Variants in SETX observed in about 807,000 individuals in gnomAD.
The protein encoded by SETX is helicase senataxin.
A neutral mutation model predicts 227.2 loss-of-function variants in SETX; 90 were observed. The ratio of observed to expected loss-of-function variants is 0.40; its 90% CI spans 0.33 to 0.47. SETX has a LOEUF of 0.47. Among genes scored for constraint, SETX ranks in the 20% least tolerant of loss-of-function variants. The pLI is 0.91. For missense variants in SETX, 3,052 were observed against 3,181.5 expected (o/e 0.96, Z 0.98); for synonymous variants, 1,210 against 1,113.2 (o/e 1.09, Z -1.73).
chr9:132,269,829 G>T, intron 24 of SETX, 127 bp from the exon 25 acceptor site: 1 of 921,794 alleles, frequency 1.1e-6, no homozygotes, highest in Non-Finnish European at 1.8e-6. Context: ...GAATGACTCA[G>T]TGAGCCCGAG....
intron 10 of SETX, among the ~76,000 whole-genome samples, chr9:132,316,272 T>G (rs527377768): frequency 6.6e-6 from 1 of 152,338 alleles, no homozygotes; most frequent in Admixed American, 6.5e-5. Context: ...TTCTGCAAAC[T>G]ATTTGTTGTC....
chr9:132,287,740 G>GA (rs570365690), intron 17 of SETX, among the ~76,000 whole-genome samples: 22 of 67,780 alleles, frequency 3.2e-4, no homozygotes, highest in Non-Finnish European at 4.7e-4. Flanking sequence ...AAGAAAAAAT[G>GA]AAAAAAAAAA....
At chr9:132,351,756 C>G (rs1351912158) in intron 2 of SETX, among the ~76,000 whole-genome samples, 3 of 152,170 alleles carry the variant, frequency 2.0e-5, no homozygotes, top group Non-Finnish European at 4.4e-5. Flanking sequence ...TACTGTGAAT[C>G]CTCTTAAGCT....
chr9:132,302,681 CA>C (rs57673567), intron 11 of SETX, among the ~76,000 whole-genome samples: 5,479 of 78,472 alleles, frequency 0.07, 299 homozygotes, highest in African/African-American at 0.2. Flanking sequence ...AAAAAAAAAG[CA>C]AAAAAAAAAA....
intron 20 of SETX, among the ~76,000 whole-genome samples, chr9:132,279,406 A>AG (rs1386914717): frequency 4.6e-5 from 7 of 152,210 alleles, no homozygotes; most frequent in African/African-American, 1.7e-4. Context: ...TAGAACTTAA[A>AG]GTATAATTAA....
At chr9:132,335,097 G>T (rs545040561) in intron 6 of SETX, among the ~76,000 whole-genome samples, 1 of 151,926 alleles carries the variant, frequency 6.6e-6, no homozygotes, top group East Asian at 1.9e-4. Flanking sequence ...AAATGGTATA[G>T]AAGTATTTTG....
Position 132,281,554 on chromosome 9 carries a change from A to G in SETX, c.6567T>C (p.Ile2189=). Residue 2189 remains isoleucine, a synonymous_variant, in exon 20 of 26, where the codon ATT becomes ATC. Coordinates refer to ENST00000224140, the MANE Select transcript of SETX (RefSeq NM_015046.7). ...GATGGATGAGTGGAGTAAGAGTCTC[A>G]ATTTCACAAGACTGTCCAGCCTTGG... ...IVDEAGQSCE[I]ETLTPLIHRC... 6.2e-7 allele frequency: 1 copy of G among 1,613,786 alleles called. No individual in the cohort carries two copies. Among genetic ancestry groups the G allele is most frequent in the Non-Finnish European group, 8.5e-7 (1 of 1,179,676 alleles).
chr9:132,346,870 AC>A (rs1374023835), intron 3 of SETX, among the ~76,000 whole-genome samples: 2 of 151,942 alleles, frequency 1.3e-5, no homozygotes, highest in Non-Finnish European at 2.9e-5. Flanking sequence ...CAAAAGGATC[AC>A]TTGAGCCCAA....
rs1213588784 is a variant in SETX at position 132,333,402 on chromosome 9, A to ATATAT, written c.838+1205_838+1206insATATA. On this transcript the variant is annotated intron_variant, in intron 7 of 25. Coordinates refer to ENST00000224140, the MANE Select transcript of SETX (RefSeq NM_015046.7). ...CAAAAAGAAAAAAAAAAAAAAGAAAAAAAAAAATATATATACACACACACA... is the reference window on the plus strand; with the variant it reads ...CAAAAAGAAAAAAAAAAAAAAGAAAATATATAAAAAAATATATATACACACACACA... Among the ~76,000 whole-genome samples the ATATAT allele has an allele frequency of 2.5e-3, 187 of 74,246 alleles. 8 individuals carry two copies. The highest frequency in any genetic ancestry group is 4.9e-3 in the African/African-American group (72 of 14,586). 48.7% of individuals were successfully genotyped at this position (74,246 alleles called of 152,430 possible).
intron 18 of SETX, among the ~76,000 whole-genome samples, chr9:132,283,899 C>G (rs931025460): frequency 2.6e-5 from 4 of 152,128 alleles, no homozygotes; most frequent in Non-Finnish European, 5.9e-5. Context: ...CTGACAAATC[C>G]TCTATTTCCA....
At chr9:132,269,577 G>T (rs746751038) in intron 25 of SETX, 38 bp downstream of exon 25, 1 of 1,611,786 alleles carries the variant, frequency 6.2e-7, no homozygotes, top group South Asian at 1.1e-5. Flanking sequence ...TCCAACAACA[G>T]TAACAATGGG....
rs1848487351 is a variant in SETX at position 132,349,412 on chromosome 9, C to A, written c.17G>T (p.Trp6Leu). The A allele has an allele frequency of 6.2e-7, 1 of 1,614,126 alleles. No individual in the cohort carries two copies. The highest frequency in any genetic ancestry group is 1.1e-5 in the South Asian group (1 of 91,080). The change falls in exon 3 of 26, where the codon TGG becomes TTG. Residue 6 changes from tryptophan to leucine, a missense_variant. This residue lies in a region of SETX where 152 missense variants were observed against 156.2 expected (regional missense o/e 0.97). Coordinates refer to ENST00000224140, the MANE Select transcript of SETX (RefSeq NM_015046.7). MSTCC[W>L]CTPGGASTID... is the part of the protein sequence containing the mutation. ...GGTGGAAGCACCACCTGGCGTACAC[C>A]AACAACATGTGCTCATTCTGTACCT...
chr9:132,267,283 G>A (rs1842693152), intron 25 of SETX, among the ~76,000 whole-genome samples: 1 of 152,218 alleles, frequency 6.6e-6, no homozygotes, highest in Non-Finnish European at 1.5e-5. Flanking sequence ...GGAGCGCCAG[G>A]CTCTGGGGGC....
At chr9:132,340,580 A>G (rs966891424) in intron 5 of SETX, among the ~76,000 whole-genome samples, 2 of 152,214 alleles carry the variant, frequency 1.3e-5, no homozygotes, top group Non-Finnish European at 2.9e-5. Context: ...TAGTTTTCTA[A>G]GTCAGGTCGT....
intron 5 of SETX, among the ~76,000 whole-genome samples, chr9:132,339,186 A>G (rs1025688125): frequency 2.0e-5 from 3 of 152,156 alleles, no homozygotes; most frequent in Non-Finnish European, 4.4e-5. Context: ...TTTCGTTTCT[A>G]TAAAACCCTT....
chr9:132,330,458 A>G lies in SETX; in HGVS notation c.1140T>C (p.Pro380=). The G allele has an allele frequency of 1.2e-6, 2 of 1,613,958 alleles. No individual in the cohort carries two copies. Among genetic ancestry groups the G allele is most frequent in the Non-Finnish European group, 8.5e-7 (1 of 1,180,002 alleles). The change falls in exon 10 of 26, where the codon CCT becomes CCC. Residue 380 remains proline (P), a synonymous_variant. Transcript: ENST00000224140. ...WRTAICPDYC[P]NMYEEMETLA... ...ATGTTTCCATTTCTTCATACATGTT[A>G]GGACAATAATCTGGGCAAATGGCTG...
At chr9:132,272,425 A>G (rs932169810) in intron 23 of SETX, among the ~76,000 whole-genome samples, 1 of 151,956 alleles carries the variant, frequency 6.6e-6, no homozygotes, top group African/African-American at 2.4e-5. Flanking sequence ...TTAGGATTAT[A>G]GATGTGAGCC....
At chr9:132,290,012 G>A (rs991249538) in intron 15 of SETX, among the ~76,000 whole-genome samples, 8 of 151,840 alleles carry the variant, frequency 5.3e-5, no homozygotes, top group Admixed American at 1.3e-4. Context: ...AGTTTGAGAC[G>A]AGCCTGGCCA....
At chr9:132,273,163 G>GT (rs144496199) in intron 23 of SETX, among the ~76,000 whole-genome samples, 24 of 151,012 alleles carry the variant, frequency 1.6e-4, no homozygotes, top group Non-Finnish European at 3.2e-4. Flanking sequence ...TTATTTAGGT[G>GT]GTTTTTTTTT....
Sources: allele counts gnomAD v4.1 joint callset (sites outside exome capture counted in the v4.1 genomes callset), GRCh38; gene constraint gnomAD v4.1.1; regional missense constraint gnomAD v4.1.1; transcripts MANE v1.5; gene names NCBI Gene and HGNC (gene_info 2026-07-23, HGNC 2026-07-21).